Variants in CLMN observed in about 807,000 individuals in gnomAD.
CLMN encodes the protein calmin.
In CLMN, 57 loss-of-function variants were observed where a neutral mutation model predicts 92.7. That is an observed-to-expected ratio of 0.61 (90% CI 0.50 to 0.77). The LOEUF (loss-of-function observed/expected upper bound fraction) is 0.77. Among genes scored for constraint, CLMN ranks in the 30% least tolerant of loss-of-function variants. CLMN has a pLI of 0.00. For missense variants in CLMN, 1,158 were observed against 1,237.5 expected, an observed-to-expected ratio of 0.94 and a Z score of 0.96; for synonymous variants, 466 against 470.6, an observed-to-expected ratio of 0.99 and a Z score of 0.13.
At chr14:95,224,317 G>A (rs1897643058) in intron 2 of CLMN, among the ~76,000 whole-genome samples, 1 of 152,066 alleles carries the variant, frequency 6.6e-6, no homozygotes, top group Admixed American at 6.5e-5. Context: ...GTCACGCTCT[G>A]TCGCCCAGGC....
At chr14:95,296,622 C>T (rs1330500435) in intron 1 of CLMN, among the ~76,000 whole-genome samples, 1 of 152,210 alleles carries the variant, frequency 6.6e-6, no homozygotes, top group Admixed American at 6.5e-5. Flanking sequence ...TAGCATCCGC[C>T]CTTTGATCCT....
intron 3 of CLMN, among the ~76,000 whole-genome samples, chr14:95,222,975 C>G (rs1196376001): frequency 1.3e-5 from 2 of 152,168 alleles, no homozygotes; most frequent in Non-Finnish European, 2.9e-5. Context: ...TTTAGTTAGG[C>G]ACAATGGGTT....
intron 1 of CLMN, among the ~76,000 whole-genome samples, chr14:95,264,530 C>T (rs1899393041): frequency 1.3e-5 from 2 of 152,048 alleles, no homozygotes; most frequent in South Asian, 4.2e-4. Context: ...GTTTACAAGA[C>T]CACAGAGGCG....
rs183504062 is a variant in CLMN at position 95,235,889 on chromosome 14, C to T, written c.83-5756G>A. On this transcript the variant is annotated intron_variant, in intron 1 of 12. Transcript: ENST00000298912. ...CCCAGACGTTCGGGCATGCAGGAGG[C>T]GGAGGGGTACCAGGCTCCCTGAACC... is the stretch of plus-strand genomic sequence containing the variant. 7.9e-4 allele frequency among the ~76,000 whole-genome samples: 121 copies of T among 152,242 alleles called. 2 individuals are homozygous for T. The highest frequency in any genetic ancestry group is 3.3e-4 in the Admixed American group (5 of 15,294).
intron 1 of CLMN, among the ~76,000 whole-genome samples, chr14:95,262,727 C>T (rs546246514): frequency 4.6e-5 from 7 of 152,132 alleles, no homozygotes; most frequent in South Asian, 2.1e-4. Context: ...CCACCATGCC[C>T]GGCTAATTTT....
chr14:95,231,874 AC>A (rs1178930438), intron 1 of CLMN, among the ~76,000 whole-genome samples: 1 of 152,228 alleles, frequency 6.6e-6, no homozygotes, highest in African/African-American at 2.4e-5. Context: ...GCAGGCACTT[AC>A]CTAGGTAATT....
At chr14:95,262,233 G>A (rs1028613744) in intron 1 of CLMN, among the ~76,000 whole-genome samples, 3 of 152,190 alleles carry the variant, frequency 2.0e-5, no homozygotes, top group Non-Finnish European at 2.9e-5. Context: ...TTTTCTCAGA[G>A]CCCTGTACCT....
At chr14:95,319,290 G>T (rs1901932910) in intron 1 of CLMN, among the ~76,000 whole-genome samples, 1 of 141,486 alleles carries the variant, frequency 7.1e-6, no homozygotes, top group Non-Finnish European at 1.5e-5. Context: ...AGGTACTTAG[G>T]AAGTGCGCGA....
At chr14:95,211,175 T>C (rs1897187239) in intron 6 of CLMN, among the ~76,000 whole-genome samples, 1 of 152,218 alleles carries the variant, frequency 6.6e-6, no homozygotes, top group Admixed American at 6.5e-5. Context: ...CTTGTATCAG[T>C]GACATTGAAA....
At chr14:95,317,082 A>C (rs1314680293) in intron 1 of CLMN, among the ~76,000 whole-genome samples, 1 of 152,186 alleles carries the variant, frequency 6.6e-6, no homozygotes, top group Non-Finnish European at 1.5e-5. Flanking sequence ...TCAGAAGAAC[A>C]AGGCCCCTGC....
At chr14:95,193,561 C>A in intron 12 of CLMN, 1 of 671,076 alleles carries the variant, frequency 1.5e-6, no homozygotes, top group Non-Finnish European at 2.5e-6. Flanking sequence ...ATACTCTATA[C>A]CACTCATTTA....
chr14:95,286,286 A>G (rs1900338721), intron 1 of CLMN, among the ~76,000 whole-genome samples: 1 of 152,254 alleles, frequency 6.6e-6, no homozygotes, highest in African/African-American at 2.4e-5. Context: ...ATAGCCATAC[A>G]ATGGAATATT....
At chr14:95,241,718 A>G (rs549211862) in intron 1 of CLMN, among the ~76,000 whole-genome samples, 1 of 152,356 alleles carries the variant, frequency 6.6e-6, no homozygotes, top group African/African-American at 2.4e-5. Flanking sequence ...TGACAATGTG[A>G]CAATACCAAT....
chr14:95,203,346 G>A lies in CLMN; in HGVS notation c.2003C>T (p.Pro668Leu), dbSNP rs149317388. Residue 668 changes from proline to leucine, a missense_variant, in exon 9 of 13, where the codon CCT becomes CTT. Pro to Leu is a moderately conservative substitution (Grantham distance 98). Coordinates refer to ENST00000298912, the MANE Select transcript of CLMN (RefSeq NM_024734.4). ...HEKAKRKSTR[P>L]HYEEEGEDDD... ...GTCTTCTCCCTCTTCCTCATAATGA[G>A]GACGGGTGGACTTTCTCTTGGCCTT... is the stretch of plus-strand genomic sequence containing the variant. 3.3e-5 allele frequency: 53 copies of A among 1,613,916 alleles called. No homozygotes were observed. In the African/African-American group the frequency reaches 6.9e-4, roughly 21 times the overall value.
Position 95,259,999 on chromosome 14 carries a change from C to G in CLMN, c.83-29866G>C, listed in dbSNP as rs141391507. ...CGTCAAATTCCTCTGGCTGCCCTCC[C>G]TAAGATAGGGGTGGCACTTCCTTTC... On this transcript the variant is annotated intron_variant, in intron 1 of 12. Transcript: ENST00000298912. This position sits in a 1 kb window ranked among gnomAD's most constrained non-coding sequence, Gnocchi z 4.3. Among the ~76,000 whole-genome samples, 53 of 152,286 alleles carry G rather than the reference C, an allele frequency of 3.5e-4. No homozygotes were observed. The East Asian group carries it at 0.01, about 29-fold the overall frequency.
intron 1 of CLMN, among the ~76,000 whole-genome samples, chr14:95,242,375 C>T (rs1241654768): frequency 6.7e-6 from 1 of 149,382 alleles, no homozygotes; most frequent in East Asian, 2.0e-4. Context: ...TCTCCTGCCT[C>T]AGCCTCCCGA....
chr14:95,303,399 C>A (rs1901140104), intron 1 of CLMN, among the ~76,000 whole-genome samples: 1 of 152,210 alleles, frequency 6.6e-6, no homozygotes. Flanking sequence ...TAACCCCACG[C>A]CCACCCCTGC....
Position 95,308,367 on chromosome 14 carries a change from C to T in CLMN, c.82+11344G>A, listed in dbSNP as rs58891588. ...TCTGGGTTCCAAGTAAGTCAATTGT[C>T]CTCTCTAGCACCACCTGGTCCTTGA... is the stretch of plus-strand genomic sequence containing the variant. On this transcript the variant is annotated intron_variant, in intron 1 of 12. Coordinates refer to ENST00000298912, the MANE Select transcript of CLMN (RefSeq NM_024734.4). Among the ~76,000 whole-genome samples, 808 of 152,242 alleles carry T rather than the reference C, an allele frequency of 5.3e-3. 5 individuals carry two copies. Among genetic ancestry groups the T allele is most frequent in the African/African-American group, 0.018 (752 of 41,538 alleles).
Position 95,194,080 on chromosome 14 carries a change from T to C in CLMN, c.2770-161A>G, listed in dbSNP as rs1330633528. On this transcript the variant is annotated intron_variant, in intron 11 of 12. Coordinates refer to ENST00000298912, the MANE Select transcript of CLMN (RefSeq NM_024734.4). The surrounding 1 kb of genome is among the most constrained non-coding windows in gnomAD (Gnocchi z 4.0). ...TCCAAAATCAAAGTGCTAAACAATA[T>C]ACATTCCTCTACCTCCTCCCCTAAG... 6.2e-6 allele frequency: 9 copies of C among 1,441,500 alleles called. No individual in the cohort carries two copies. The African/African-American group carries it at 1.0e-4, about 16-fold the overall frequency. The allele number at this position is 1,441,500 out of a possible 1,614,324, so 89.3% of individuals were successfully genotyped here. A position where few individuals can be genotyped will look rare whatever the true frequency, so the allele number is the denominator to read the frequency against.
Sources: allele counts gnomAD v4.1 joint callset (sites outside exome capture counted in the v4.1 genomes callset), GRCh38; gene constraint gnomAD v4.1.1; non-coding constraint Gnocchi (gnomAD v3.1); transcripts MANE v1.5; gene names NCBI Gene and HGNC (gene_info 2026-07-23, HGNC 2026-07-21).